PNKD: variants seen among roughly 807,000 people sequenced by gnomAD.
PNKD encodes PNKD metallo-beta-lactamase domain containing.
PNKD carries 36 observed loss-of-function variants against 45.3 expected under a neutral mutation model. That is an observed-to-expected ratio of 0.80 (90% confidence interval 0.61 to 1.05). The LOEUF is 1.05. PNKD is among the 50% of genes least tolerant of loss of function. The pLI is 0.00. For synonymous variants in PNKD, 197 were observed against 210.1 expected (o/e 0.94, Z 0.54); for missense variants, 511 against 506.6 (o/e 1.01, Z -0.08).
At chr2:218,285,861 C>G (rs1692462196) in intron 2 of PNKD, 1 of 153,092 alleles carries the variant, frequency 6.5e-6, no homozygotes, top group African/African-American at 2.4e-5. Flanking sequence ...GGGCTTCTGC[C>G]CAGCCTCCAT....
chr2:218,336,788 CTTTTTTTTTTTTTT>C (rs71064439), intron 2 of PNKD, among the ~76,000 whole-genome samples: 1 of 29,158 alleles, frequency 3.4e-5, no homozygotes, highest in African/African-American at 1.1e-4. Context: ...GCCTTCAATT[CTTTTTTTTTTTTTT>C]TTTTTTTTTT....
rs548311358 is a variant in PNKD at position 218,330,015 on chromosome 2, A to C, written c.237-9768A>C. Among the ~76,000 whole-genome samples the C allele has an allele frequency of 3.7e-4, 3 of 8,040 alleles. No homozygotes were observed. In the South Asian group the frequency reaches 0.02, roughly 54 times the overall value. The allele number at this position is 8,040 out of a possible 152,430, so 5.3% of individuals were successfully genotyped here. A position where few individuals can be genotyped will look rare whatever the true frequency, so the allele number is the denominator to read the frequency against. On this transcript the variant is annotated intron_variant, in intron 2 of 9. Transcript: ENST00000273077. Reference sequence around the variant, plus strand: ...AGGACATGAAGGGAGAAACCAGAACAGTCCCCGGCCAGGCCCCACCAGCCT... The same window carrying C: ...AGGACATGAAGGGAGAAACCAGAACCGTCCCCGGCCAGGCCCCACCAGCCT...
At chr2:218,323,518 T>G (rs998283666) in intron 2 of PNKD, 1,428 of 357,612 alleles carry the variant, frequency 4.0e-3, no homozygotes, top group East Asian at 6.9e-3. Flanking sequence ...GAGCTGGGGG[T>G]GGGCGTGGCG....
intron 2 of PNKD, chr2:218,275,322 C>CT: frequency 9.6e-7 from 1 of 1,040,422 alleles, no homozygotes; most frequent in Middle Eastern, 3.2e-4. Context: ...CATCCATAGC[C>CT]AGAGAGGCCA....
chr2:218,341,810 A>G lies in PNKD; in HGVS notation c.618-171A>G, dbSNP rs151050067. 214 of 766,488 alleles carry G rather than the reference A, an allele frequency of 2.8e-4. No homozygotes were observed. In the African/African-American group the frequency reaches 3.3e-3, roughly 12 times the overall value. The allele number at this position is 766,488 out of a possible 1,614,324, so 47.5% of individuals were successfully genotyped here. A position where few individuals can be genotyped will look rare whatever the true frequency, so the allele number is the denominator to read the frequency against. Reference sequence around the variant, plus strand: ...CCAACTGATCCAGCCATAGTCCCCAAAAGAGGAAAGGGGGAGGGTTCGGAC... The same window carrying G: ...CCAACTGATCCAGCCATAGTCCCCAGAAGAGGAAAGGGGGAGGGTTCGGAC... On this transcript the variant is annotated intron_variant, in intron 6 of 9. Transcript: ENST00000273077.
intron 2 of PNKD, among the ~76,000 whole-genome samples, chr2:218,308,034 T>A (rs1458016988): frequency 6.6e-6 from 1 of 152,104 alleles, no homozygotes; most frequent in Non-Finnish European, 1.5e-5. Flanking sequence ...AGGACTACTT[T>A]CTTTGTTTTA....
rs889665823 is a variant in PNKD, at chr2:218,323,180, G to T, written c.237-16603G>T. The T allele has an allele frequency of 6.7e-5, 92 of 1,376,860 alleles. 1 individual carries two copies. Among genetic ancestry groups the T allele is most frequent in the Admixed American group, 3.5e-4 (10 of 28,438 alleles). 85.3% of individuals were successfully genotyped at this position (1,376,860 alleles called of 1,614,324 possible). A position where few individuals can be genotyped will look rare whatever the true frequency, so the allele number is the denominator to read the frequency against. ...CCACAACGCCCCCACGTCCAGAGCC[G>T]GCAGGCAGGTTCCCCGCGGGGGGCC... On this transcript the variant is annotated intron_variant, in intron 2 of 9. Coordinates refer to ENST00000273077, the MANE Select transcript of PNKD (RefSeq NM_015488.5).
chr2:218,281,484 A>G (rs1691988034), intron 2 of PNKD, among the ~76,000 whole-genome samples: 1 of 152,216 alleles, frequency 6.6e-6, no homozygotes, highest in South Asian at 2.1e-4. Context: ...CATGATGTTT[A>G]CCAAACTTGG....
At chr2:218,308,701 C>G (rs1396544136) in intron 2 of PNKD, among the ~76,000 whole-genome samples, 4 of 151,992 alleles carry the variant, frequency 2.6e-5, no homozygotes, top group Admixed American at 1.3e-4. Flanking sequence ...ATTCTCCTGC[C>G]TCAGCCACCT....
chr2:218,277,822 A>G (rs1691395855), intron 2 of PNKD: 1 of 1,555,952 alleles, frequency 6.4e-7, no homozygotes, highest in African/African-American at 1.4e-5. Context: ...GGCGGCCCAG[A>G]TAAGGTGGAG....
chr2:218,295,028 C>T (rs1333251508), intron 2 of PNKD, among the ~76,000 whole-genome samples: 1 of 152,198 alleles, frequency 6.6e-6, no homozygotes, highest in Non-Finnish European at 1.5e-5. Flanking sequence ...TCACCAGCGA[C>T]TCACATCTGC....
At chr2:218,325,797 G>T (rs1372914176) in intron 2 of PNKD, among the ~76,000 whole-genome samples, 1 of 152,164 alleles carries the variant, frequency 6.6e-6, no homozygotes, top group Non-Finnish European at 1.5e-5. Flanking sequence ...TCATTGGAGA[G>T]CTTCTTCAAA....
chr2:218,278,507 G>T, intron 2 of PNKD: 2 of 1,614,004 alleles, frequency 1.2e-6, no homozygotes, highest in Non-Finnish European at 1.7e-6. Context: ...TAAGTCTCTG[G>T]GACTCACCTG....
chr2:218,320,951 T>A (rs1039914272), intron 2 of PNKD, among the ~76,000 whole-genome samples: 2 of 152,200 alleles, frequency 1.3e-5, no homozygotes, highest in African/African-American at 4.8e-5. Context: ...GGTGGGGTTA[T>A]GGCTCCCTGG....
chr2:218,341,396 GC>G (rs1384895635), intron 5 of PNKD, 137 bp from the exon 6 acceptor site: 6 of 621,306 alleles, frequency 9.7e-6, no homozygotes, highest in African/African-American at 1.8e-5. Context: ...TTGAACAAAG[GC>G]CTAGAGGTGT....
At chr2:218,315,448 C>A (rs1036956343) in intron 2 of PNKD, among the ~76,000 whole-genome samples, 2 of 152,126 alleles carry the variant, frequency 1.3e-5, no homozygotes, top group African/African-American at 4.8e-5. Flanking sequence ...TGAGCCATGG[C>A]GCCCGGCCAA....
At chr2:218,302,798 G>A (rs1693303409) in intron 2 of PNKD, among the ~76,000 whole-genome samples, 1 of 152,222 alleles carries the variant, frequency 6.6e-6, no homozygotes. Context: ...GCCCAAGGTA[G>A]TCAGGGCGGG....
intron 2 of PNKD, among the ~76,000 whole-genome samples, chr2:218,338,147 A>T (rs1478291635): frequency 6.6e-6 from 1 of 151,250 alleles, no homozygotes; most frequent in Admixed American, 6.6e-5. Context: ...CTCCCTCTCA[A>T]AAACAAACAA....
At chr2:218,282,746 C>T (rs917033523) in intron 2 of PNKD, among the ~76,000 whole-genome samples, 7 of 152,130 alleles carry the variant, frequency 4.6e-5, no homozygotes, top group African/African-American at 1.7e-4. Context: ...TGCCAGGCCC[C>T]GAGGAGGAAG....
Sources: gnomAD v4.1 joint callset for allele counts (sites outside exome capture counted in the v4.1 genomes callset) on GRCh38, gnomAD v4.1.1 for gene constraint, MANE v1.5 for transcripts, NCBI Gene and HGNC (gene_info 2026-07-23, HGNC 2026-07-21) for gene names.